Variants in ROBO2 observed in about 807,000 individuals in gnomAD.
ROBO2 encodes the protein roundabout guidance receptor 2.
In ROBO2, 53 loss-of-function variants were observed where a neutral mutation model predicts 160.8. The ratio of observed to expected loss-of-function variants is 0.33; its 90% CI spans 0.26 to 0.41. The LOEUF (loss-of-function observed/expected upper bound fraction) is 0.41. Among genes scored for constraint, ROBO2 ranks in the 10% least tolerant of loss-of-function variants. The pLI is 1.00. For missense variants in ROBO2, 1,577 were observed against 1,722.4 expected, an observed-to-expected ratio of 0.92 and a Z score of 1.49; for synonymous variants, 664 against 611.7, an observed-to-expected ratio of 1.09 and a Z score of -1.26.
At chr3:76,332,920 G>T (rs1304868128) in intron 2 of ROBO2, among the ~76,000 whole-genome samples, 2 of 152,132 alleles carry the variant, frequency 1.3e-5, no homozygotes, top group Non-Finnish European at 2.9e-5. Context: ...TTCACCTTCA[G>T]TGCACATTCA....
In ROBO2 at chr3:76,475,613, G is replaced by T. The variant is rs377291031; in HGVS notation, c.109+538011G>T. On this transcript the variant is annotated intron_variant, in intron 2 of 26. Transcript: ENST00000487694. ...TGGGGGAGGGGGAAATGAACTGTATGTTACTTATACCTGGACCCACTAGTA... is the reference window on the plus strand; with the variant it reads ...TGGGGGAGGGGGAAATGAACTGTATTTTACTTATACCTGGACCCACTAGTA... 2.6e-4 allele frequency among the ~76,000 whole-genome samples: 39 copies of T among 151,912 alleles called. 1 individual carries two copies. Among genetic ancestry groups the T allele is most frequent in the South Asian group, 2.1e-3 (10 of 4,812 alleles).
intron 2 of ROBO2, among the ~76,000 whole-genome samples, chr3:76,985,623 G>C (rs1175447822): frequency 2.1e-5 from 2 of 96,426 alleles, no homozygotes; most frequent in African/African-American, 4.0e-5. Context: ...ATCTATTTTT[G>C]CATAAAAAAA....
intron 2 of ROBO2, among the ~76,000 whole-genome samples, chr3:76,798,273 A>AAAGAAAG (rs1491386996): frequency 3.4e-5 from 5 of 148,130 alleles, no homozygotes; most frequent in African/African-American, 5.0e-5. Flanking sequence ...AGAAAGAAAG[A>AAAGAAAG]AAGAAAGAAA....
At chr3:76,441,350 A>T (rs1334727758) in intron 2 of ROBO2, among the ~76,000 whole-genome samples, 2 of 152,210 alleles carry the variant, frequency 1.3e-5, no homozygotes, top group Non-Finnish European at 2.9e-5. Context: ...TGAAGTGGAA[A>T]TGGCAGAAAT....
exon 8 of ROBO2, chr3:77,550,859 A>C (rs1418104053): frequency 1.2e-6 from 2 of 1,613,070 alleles, no homozygotes; most frequent in Non-Finnish European, 1.7e-6. Flanking sequence ...CCAACAGTAG[A>C]TGCTCAGTGT....
intron 2 of ROBO2, among the ~76,000 whole-genome samples, chr3:76,527,706 T>C (rs917307512): frequency 1.5e-4 from 23 of 152,054 alleles, no homozygotes; most frequent in African/African-American, 5.6e-4. Context: ...AGATTTTATT[T>C]AAAAATAAGG....
chr3:76,364,155 G>A (rs2075678973), intron 2 of ROBO2, among the ~76,000 whole-genome samples: 2 of 151,998 alleles, frequency 1.3e-5, no homozygotes, highest in Admixed American at 1.3e-4. Flanking sequence ...TAGGGGCTTT[G>A]CATTTTCCGT....
intron 9 of ROBO2, among the ~76,000 whole-genome samples, chr3:77,559,945 CCTT>C (rs1412592756): frequency 4.6e-5 from 7 of 152,012 alleles, no homozygotes; most frequent in African/African-American, 1.7e-4. Flanking sequence ...TAATTGTTAA[CCTT>C]CTTTGAACAA....
chr3:77,440,461 T>G (rs951591640), intron 2 of ROBO2, among the ~76,000 whole-genome samples: 1 of 152,174 alleles, frequency 6.6e-6, no homozygotes, highest in African/African-American at 2.4e-5. Context: ...GTTAAAAAGT[T>G]AAAATGTACT....
chr3:76,516,962 T>C (rs1346287994), intron 2 of ROBO2, among the ~76,000 whole-genome samples: 23 of 152,202 alleles, frequency 1.5e-4, no homozygotes. Flanking sequence ...AGCGATTATT[T>C]TGCACAGTGA....
rs185309361 is a variant in ROBO2, at chr3:76,781,820, G to T, written c.110-316194G>T. On this transcript the variant is annotated intron_variant, in intron 2 of 26. Coordinates refer to the ROBO2 transcript ENST00000487694. Reference sequence around the variant, plus strand: ...TTTGGTTAAGGATTTTTGCATCTATGTACTTTTCTTGTAATGTTCTTGCCC... The same window carrying T: ...TTTGGTTAAGGATTTTTGCATCTATTTACTTTTCTTGTAATGTTCTTGCCC... 1.3e-3 allele frequency among the ~76,000 whole-genome samples: 190 copies of T among 150,760 alleles called. 2 individuals are homozygous for T. Among genetic ancestry groups the T allele is most frequent in the Non-Finnish European group, 3.7e-4 (25 of 67,026 alleles).
chr3:76,973,372 C>T (rs1446424299), intron 2 of ROBO2, among the ~76,000 whole-genome samples: 1 of 151,918 alleles, frequency 6.6e-6, no homozygotes, highest in East Asian at 1.9e-4. Flanking sequence ...ACATCTTACC[C>T]TGAGAGAGTA....
chr3:76,936,419 T>C (rs987302118), intron 2 of ROBO2, among the ~76,000 whole-genome samples: 1 of 152,104 alleles, frequency 6.6e-6, no homozygotes, highest in African/African-American at 2.4e-5. Flanking sequence ...CCAAGTGAAA[T>C]TGAAAATAAT....
chr3:76,589,019 A>C (rs1405047814), intron 2 of ROBO2, among the ~76,000 whole-genome samples: 1 of 152,172 alleles, frequency 6.6e-6, no homozygotes, highest in African/African-American at 2.4e-5. Flanking sequence ...GTAGTTCAAG[A>C]CTAGTTTGGA....
In ROBO2 at chr3:76,140,390, C is replaced by T. The variant is rs62268938; in HGVS notation, c.109+202788C>T. On this transcript the variant is annotated intron_variant, in intron 2 of 26. Transcript: ENST00000487694. ...ATAATAATAGCTAGGGTAATCTGAGCCAAGCACTATTTCATTTGCCTTATT... is the reference window on the plus strand; with the variant it reads ...ATAATAATAGCTAGGGTAATCTGAGTCAAGCACTATTTCATTTGCCTTATT... Among the ~76,000 whole-genome samples the T allele has an allele frequency of 7.6e-3, 1,155 of 151,982 alleles. 8 individuals are homozygous for T. Among genetic ancestry groups the T allele is most frequent in the Non-Finnish European group, 0.01 (712 of 67,916 alleles).
In ROBO2 at chr3:77,305,748, T is replaced by C. The variant is rs145947807; in HGVS notation, c.389-171666T>C. Among the ~76,000 whole-genome samples, 1,215 of 152,306 alleles carry C rather than the reference T, an allele frequency of 8.0e-3. 20 individuals carry two copies. Among genetic ancestry groups the C allele is most frequent in the African/African-American group, 0.027 (1,130 of 41,570 alleles). ...AAAGAAAACAAACCAAAAAAATCTTTGAATTTTGAAAAATAATCAGACTTC... is the reference window on the plus strand; with the variant it reads ...AAAGAAAACAAACCAAAAAAATCTTCGAATTTTGAAAAATAATCAGACTTC... On this transcript the variant is annotated intron_variant, in intron 2 of 25. Coordinates refer to ENST00000461745, the Ensembl canonical transcript of ROBO2.
intron 2 of ROBO2, chr3:77,317,299 A>G: frequency 1.3e-6 from 1 of 752,648 alleles, no homozygotes; most frequent in South Asian, 1.5e-5. Flanking sequence ...GTGTTAGGTG[A>G]CGAGGATGAA....
intron 2 of ROBO2, among the ~76,000 whole-genome samples, chr3:77,227,185 T>C (rs912218638): frequency 2.6e-5 from 4 of 152,278 alleles, no homozygotes; most frequent in East Asian, 1.9e-4. Context: ...TAAGTTGTTT[T>C]AACTACCTCA....
intron 2 of ROBO2, among the ~76,000 whole-genome samples, chr3:76,108,588 G>A (rs2070060295): frequency 1.3e-5 from 2 of 151,558 alleles, no homozygotes; most frequent in African/African-American, 4.8e-5. Flanking sequence ...TTAAAAGTGG[G>A]ATGTAAGGTC....
Sources: allele counts gnomAD v4.1 joint callset (sites outside exome capture counted in the v4.1 genomes callset), GRCh38; gene constraint gnomAD v4.1.1; transcripts MANE v1.5; gene names NCBI Gene and HGNC (gene_info 2026-07-23, HGNC 2026-07-21).